NALCN: variants seen among roughly 807,000 people sequenced by gnomAD.
NALCN encodes sodium leak channel, non-selective.
In NALCN, 111 loss-of-function variants were observed where a neutral mutation model predicts 225.3. The ratio of observed to expected loss-of-function variants is 0.49; its 90% CI spans 0.42 to 0.58. The LOEUF (loss-of-function observed/expected upper bound fraction) is 0.58. NALCN is among the 20% of genes least tolerant of loss of function. NALCN has a pLI of 0.00. For missense variants in NALCN, 1,378 were observed against 2,202.4 expected (o/e 0.63, Z 7.49); for synonymous variants, 764 against 769.0 (o/e 0.99, Z 0.11).
intron 14 of NALCN, among the ~76,000 whole-genome samples, chr13:101,177,530 TAATAC>T (rs1379352332): frequency 3.3e-5 from 5 of 151,308 alleles, no homozygotes; most frequent in Non-Finnish European, 5.9e-5. Flanking sequence ...TGTATTGGAG[TAATAC>T]AATTTTTCCT....
At chr13:101,399,551 G>A (rs2047407682) in intron 1 of NALCN, among the ~76,000 whole-genome samples, 1 of 152,142 alleles carries the variant, frequency 6.6e-6, no homozygotes, top group Admixed American at 6.5e-5. Context: ...TAATACAGAT[G>A]AAATGCACAG....
intron 15 of NALCN, among the ~76,000 whole-genome samples, chr13:101,166,886 T>C (rs1323588005): frequency 6.6e-6 from 1 of 152,224 alleles, no homozygotes; most frequent in African/African-American, 2.4e-5. Context: ...TTTGAGCTAA[T>C]TTTTATATAT....
intron 15 of NALCN, among the ~76,000 whole-genome samples, chr13:101,146,276 G>T (rs1366865510): frequency 1.3e-5 from 2 of 152,198 alleles, no homozygotes; most frequent in Non-Finnish European, 2.9e-5. Flanking sequence ...TTCTGTCTTA[G>T]ATGGTAATCT....
chr13:101,087,418 A>G (rs2033985917), intron 30 of NALCN, among the ~76,000 whole-genome samples: 1 of 151,686 alleles, frequency 6.6e-6, no homozygotes, highest in African/African-American at 2.4e-5. Context: ...GCTCAAATAC[A>G]TCTGTTGAAT....
chr13:101,297,950 T>C (rs751801214), intron 7 of NALCN, among the ~76,000 whole-genome samples: 2 of 152,200 alleles, frequency 1.3e-5, no homozygotes, highest in Non-Finnish European at 2.9e-5. Context: ...GCTGATTGAC[T>C]TTGTCCTGGT....
chr13:101,386,454 G>GT (rs996444759), intron 3 of NALCN, among the ~76,000 whole-genome samples: 23 of 152,142 alleles, frequency 1.5e-4, no homozygotes, highest in African/African-American at 4.1e-4. Context: ...TGAGCTCATT[G>GT]TAAGTGTTCA....
At chr13:101,321,378 G>A (rs970517605) in intron 7 of NALCN, among the ~76,000 whole-genome samples, 23 of 152,052 alleles carry the variant, frequency 1.5e-4, no homozygotes, top group African/African-American at 5.6e-4. Context: ...AACCTCATCA[G>A]TTACTATAAA....
rs17679783 is a variant in NALCN at position 101,407,426 on chromosome 13, A to G, written c.-39-8261T>C. ...GATAAAAGTGATTAATACTCTTGAC[A>G]CTGCTCAGATTTTTATGCATTTGAT... On this transcript the variant is annotated intron_variant, in intron 1 of 43. Transcript: ENST00000251127. Among the ~76,000 whole-genome samples, 42 of 152,352 alleles carry G rather than the reference A, an allele frequency of 2.8e-4. No homozygotes were observed. The East Asian group carries it at 7.1e-3, about 26-fold the overall frequency.
chr13:101,126,079 C>A (rs1033789558), intron 17 of NALCN, among the ~76,000 whole-genome samples: 8 of 152,296 alleles, frequency 5.3e-5, no homozygotes, highest in Admixed American at 2.0e-4. Flanking sequence ...AAGCTATGAA[C>A]AAATGCTATA....
At chr13:101,066,939 C>T (rs1461351882) in intron 39 of NALCN, among the ~76,000 whole-genome samples, 2 of 152,154 alleles carry the variant, frequency 1.3e-5, no homozygotes, top group Non-Finnish European at 2.9e-5. Flanking sequence ...CCTTCATGGT[C>T]ATTCCTGCCG....
intron 31 of NALCN, 63 bp downstream of exon 31, chr13:101,083,648 A>G (rs1009379542): frequency 1.3e-6 from 2 of 1,495,774 alleles, no homozygotes; most frequent in African/African-American, 2.8e-5. Context: ...TTTAAATCTG[A>G]GACTCCTGGG....
intron 11 of NALCN, among the ~76,000 whole-genome samples, chr13:101,242,662 A>G (rs1285627894): frequency 1.9e-5 from 2 of 106,842 alleles, no homozygotes; most frequent in Non-Finnish European, 4.2e-5. Context: ...ATGCCCATCA[A>G]TTCTCTCTTC....
chr13:101,388,321 T>C (rs920642865), intron 3 of NALCN, among the ~76,000 whole-genome samples: 4 of 152,192 alleles, frequency 2.6e-5, no homozygotes, highest in African/African-American at 9.6e-5. Context: ...GCAATATTAC[T>C]AAAATTGCAT....
At chr13:101,341,195 T>A (rs1054855360) in intron 7 of NALCN, among the ~76,000 whole-genome samples, 5 of 152,208 alleles carry the variant, frequency 3.3e-5, no homozygotes, top group African/African-American at 4.8e-5. Context: ...AAATAGATAC[T>A]AGAGACTAGC....
intron 14 of NALCN, among the ~76,000 whole-genome samples, chr13:101,187,053 C>G (rs1334606313): frequency 1.3e-5 from 2 of 152,102 alleles, no homozygotes; most frequent in Non-Finnish European, 2.9e-5. Context: ...ACAGTAGGCC[C>G]CCCCCTTATC....
At chr13:101,078,709 C>G (rs2033427568) in intron 34 of NALCN, among the ~76,000 whole-genome samples, 1 of 152,150 alleles carries the variant, frequency 6.6e-6, no homozygotes, top group Non-Finnish European at 1.5e-5. Flanking sequence ...TGGGCTTGGA[C>G]TTTTAAGTTA....
At chr13:101,329,069 T>G (rs749997723) in intron 7 of NALCN, among the ~76,000 whole-genome samples, 9 of 152,148 alleles carry the variant, frequency 5.9e-5, no homozygotes, top group African/African-American at 1.9e-4. Context: ...TTTCCTTACA[T>G]ACAATGTAAG....
chr13:101,120,070 A>T (rs112712927), intron 18 of NALCN, among the ~76,000 whole-genome samples: 1 of 152,328 alleles, frequency 6.6e-6, no homozygotes, highest in African/African-American at 2.4e-5. Context: ...TGTGAGTTAC[A>T]TACCTCAGGC....
At chr13:101,378,145 T>C (rs2046746765) in intron 4 of NALCN, among the ~76,000 whole-genome samples, 1 of 152,070 alleles carries the variant, frequency 6.6e-6, no homozygotes. Context: ...TATATCTGAT[T>C]AACAGCTAAT....
Sources: gnomAD v4.1 joint callset for allele counts (sites outside exome capture counted in the v4.1 genomes callset) on GRCh38, gnomAD v4.1.1 for gene constraint, MANE v1.5 for transcripts, NCBI Gene and HGNC (gene_info 2026-07-23, HGNC 2026-07-21) for gene names.